Variants in LRP1B observed in about 807,000 individuals in gnomAD.
LRP1B encodes the protein low-density lipoprotein receptor-related protein 1B.
LRP1B carries 217 observed loss-of-function variants against 556.6 expected under a neutral mutation model. That is an observed-to-expected ratio of 0.39 (90% CI 0.35 to 0.44). LRP1B has a LOEUF of 0.44. Ranked by LOEUF, LRP1B falls within the 20% of genes least tolerant of loss-of-function variation. The probability of loss-of-function intolerance (pLI) is 1.00; values close to 1 mark genes in which losing one functional copy is unlikely to be tolerated. For synonymous variants in LRP1B, 2,047 were observed against 1,865.8 expected (o/e 1.10, Z -2.50); for missense variants, 5,053 against 5,620.8 (o/e 0.90, Z 3.23).
At chr2:140,655,301 G>A (rs1031034270) in intron 41 of LRP1B, among the ~76,000 whole-genome samples, 10 of 152,162 alleles carry the variant, frequency 6.6e-5, no homozygotes, top group East Asian at 3.9e-4. Context: ...GATGTTAATC[G>A]TCTATTTTAT....
At chr2:142,076,962 G>A (rs1310481728) in intron 1 of LRP1B, among the ~76,000 whole-genome samples, 1 of 152,022 alleles carries the variant, frequency 6.6e-6, no homozygotes, top group Admixed American at 6.6e-5. Context: ...AGAAGATACA[G>A]TGTGTCACAG....
intron 1 of LRP1B, among the ~76,000 whole-genome samples, chr2:142,053,733 A>G (rs1275018591): frequency 3.3e-5 from 5 of 152,158 alleles, no homozygotes; most frequent in African/African-American, 1.2e-4. Context: ...CCACTAATTA[A>G]TTCCAAAAAT....
chr2:140,793,652 A>G (rs1690199505), intron 32 of LRP1B, among the ~76,000 whole-genome samples: 4 of 152,006 alleles, frequency 2.6e-5, no homozygotes, highest in African/African-American at 9.7e-5. Context: ...TCTTTCACAA[A>G]TAATTTGATA....
At chr2:141,562,266 C>T (rs62169797) in intron 2 of LRP1B, among the ~76,000 whole-genome samples, 1 of 151,926 alleles carries the variant, frequency 6.6e-6, no homozygotes, top group South Asian at 2.1e-4. Flanking sequence ...CTAAGAGGTA[C>T]CTTTCTTTTA....
At chr2:140,599,307 T>G (rs1682562282) in intron 42 of LRP1B, among the ~76,000 whole-genome samples, 1 of 152,166 alleles carries the variant, frequency 6.6e-6, no homozygotes, top group Admixed American at 6.6e-5. Context: ...AAATTCTGCC[T>G]TCTCTTTTGT....
At position 141,481,234 on chromosome 2, in the gene LRP1B, G is replaced by A. The variant is rs564952974; in HGVS notation, c.206-701C>T. Among the ~76,000 whole-genome samples, 12 of 152,094 alleles carry A rather than the reference G, an allele frequency of 7.9e-5. No individual in the cohort carries two copies. In the South Asian group the frequency reaches 2.5e-3, roughly 32 times the overall value. On this transcript the variant is annotated intron_variant, in intron 2 of 90. Transcript: ENST00000389484. ...AAGATAAGCTTAAATCAGAACATAG[G>A]GTCTTTTCTCAAAGTTTACCCATTC...
rs760864829 is a variant in LRP1B at position 140,907,888 on chromosome 2, C to T, written c.3509G>A (p.Gly1170Asp). 1.2e-6 allele frequency: 2 copies of T among 1,613,386 alleles called. No individual in the cohort carries two copies. Among genetic ancestry groups the T allele is most frequent in the Admixed American group, 1.7e-5 (1 of 59,978 alleles). ...KKDCPDGSDEGYLCDECSLNN... is the reference protein window; with the variant it reads ...KKDCPDGSDEDYLCDECSLNN... ...TAAACATGCAATACCACAGAGATAG[C>T]CTTCATCAGAGCCATCAGGACAATC... is the stretch of plus-strand genomic sequence containing the variant. Residue 1170 changes from glycine (G) to aspartate (D), a missense_variant, in exon 22 of 91, where the codon GGC (glycine) becomes GAC (aspartate). Gly to Asp is a moderately conservative substitution (Grantham distance 94). Transcript: ENST00000389484.
chr2:141,043,130 G>C (rs1698754120), intron 11 of LRP1B, among the ~76,000 whole-genome samples: 1 of 151,172 alleles, frequency 6.6e-6, no homozygotes, highest in Non-Finnish European at 1.5e-5. Context: ...TTGAGTGCAG[G>C]AGGAGGAGGA....
chr2:141,535,538 A>AT (rs1276580400), intron 2 of LRP1B, among the ~76,000 whole-genome samples: 1 of 141,050 alleles, frequency 7.1e-6, no homozygotes, highest in Admixed American at 7.0e-5. Flanking sequence ...AAGCAATGGT[A>AT]TAAAAAAAAA....
chr2:140,236,644 T>C (rs1219141711), intron 89 of LRP1B, among the ~76,000 whole-genome samples: 1 of 150,908 alleles, frequency 6.6e-6, no homozygotes, highest in Non-Finnish European at 1.5e-5. Context: ...TATGTATCAA[T>C]GAAATGTTTT....
At chr2:141,356,140 C>T (rs1285141026) in intron 3 of LRP1B, among the ~76,000 whole-genome samples, 3 of 152,122 alleles carry the variant, frequency 2.0e-5, no homozygotes, top group Admixed American at 2.0e-4. Flanking sequence ...AACAAGGACT[C>T]CATTTTTGTA....
intron 60 of LRP1B, among the ~76,000 whole-genome samples, chr2:140,459,704 G>A (rs1257579938): frequency 6.6e-6 from 1 of 152,076 alleles, no homozygotes; most frequent in African/African-American, 2.4e-5. Context: ...GTAATGATAT[G>A]GTTTGGCTCC....
chr2:141,771,519 T>C (rs1362660262), intron 2 of LRP1B, among the ~76,000 whole-genome samples: 1 of 152,172 alleles, frequency 6.6e-6, no homozygotes, highest in Non-Finnish European at 1.5e-5. Flanking sequence ...TAAAATTGCA[T>C]TGGAAAAATC....
At chr2:142,115,811 A>T (rs531498816) in intron 1 of LRP1B, among the ~76,000 whole-genome samples, 36 of 2,584 alleles carry the variant, frequency 0.014, 14 homozygotes, top group Non-Finnish European at 0.02. Flanking sequence ...AATATATATC[A>T]TATATATGTA....
Position 140,495,554 on chromosome 2 carries a change from C to A in LRP1B, c.9034+11G>T, listed in dbSNP as rs2104872639. On this transcript the variant is annotated intron_variant, in intron 56 of 90. Coordinates refer to ENST00000389484, the MANE Select transcript of LRP1B (RefSeq NM_018557.3). ...CTGAGGTTGGATCAGTGGGCAAGTT[C>A]AATTCGATACCTGAGAGCGATTTGC... The A allele has an allele frequency of 6.4e-7, 1 of 1,562,898 alleles. No homozygotes were observed. The highest frequency in any genetic ancestry group is 1.2e-5 in the South Asian group (1 of 85,642).
chr2:140,235,839 G>C (rs1680673893), intron 89 of LRP1B, among the ~76,000 whole-genome samples: 1 of 150,926 alleles, frequency 6.6e-6, no homozygotes, highest in Non-Finnish European at 1.5e-5. Context: ...TGAAAAATGT[G>C]TAAAGTATAT....
intron 43 of LRP1B, among the ~76,000 whole-genome samples, chr2:140,570,167 T>C (rs557816927): frequency 1.3e-5 from 2 of 151,294 alleles, no homozygotes; most frequent in Non-Finnish European, 3.0e-5. Flanking sequence ...AGTAGAAGGA[T>C]AGAAATACTA....
intron 6 of LRP1B, among the ~76,000 whole-genome samples, chr2:141,208,970 T>C (rs988116950): frequency 1.6e-5 from 2 of 125,590 alleles, no homozygotes; most frequent in African/African-American, 6.1e-5. Flanking sequence ...TTTAAAACAA[T>C]ATTATCAAAA....
At chr2:141,291,565 CTTGT>C (rs1458897544) in intron 3 of LRP1B, among the ~76,000 whole-genome samples, 1 of 151,938 alleles carries the variant, frequency 6.6e-6, no homozygotes, top group African/African-American at 2.4e-5. Context: ...CTCATTAAAA[CTTGT>C]TTGGAGGCCG....
Sources: gnomAD v4.1 joint callset for allele counts (sites outside exome capture counted in the v4.1 genomes callset) on GRCh38, gnomAD v4.1.1 for gene constraint, MANE v1.5 for transcripts, NCBI Gene and HGNC (gene_info 2026-07-23, HGNC 2026-07-21) for gene names.